ZNF529: variants seen among roughly 807,000 people sequenced by gnomAD.
ZNF529 encodes zinc finger protein 529.
ZNF529 carries 11 observed loss-of-function variants against 10.1 expected under a neutral mutation model. The ratio of observed to expected loss-of-function variants is 1.09; its 90% confidence interval spans 0.69 to 1.81. The LOEUF (loss-of-function observed/expected upper bound fraction) is 1.81. Among genes scored for constraint, ZNF529 ranks in the 40% most tolerant of loss-of-function variants. ZNF529 has a pLI of 0.00. For missense variants in ZNF529, 624 were observed against 666.8 expected (o/e 0.94, Z 0.71); for synonymous variants, 204 against 215.7 (o/e 0.95, Z 0.47).
At position 36,547,539 on chromosome 19, in the gene ZNF529, C is replaced by T. The variant is rs1473084991; in HGVS notation, c.1019G>A (p.Cys340Tyr). The T allele has an allele frequency of 1.2e-6, 2 of 1,613,310 alleles. No homozygotes were observed. Among genetic ancestry groups the T allele is most frequent in the East Asian group, 4.5e-5 (2 of 44,854 alleles). Residue 340 changes from cysteine (C) to tyrosine (Y), a missense_variant, in exon 5 of 5, where the codon TGT becomes TAT. By Grantham distance (194) the Cys-to-Tyr change is radical (BLOSUM62 -2). Coordinates refer to ENST00000591340, the MANE Select transcript of ZNF529 (RefSeq NM_020951.5). ...TCTAAAAACCTTCTCACAGTGCATA[C>T]ATTTGTAGGGTTTCTCACCAGTATG... Reference protein sequence around the residue: ...RIHTGEKPYKCMHCEKVFRIS... With the variant: ...RIHTGEKPYKYMHCEKVFRIS...
chr19:36,565,426 G>A (rs1267033021), intron 2 of ZNF529, among the ~76,000 whole-genome samples: 3 of 152,160 alleles, frequency 2.0e-5, no homozygotes, highest in Non-Finnish European at 4.4e-5. Flanking sequence ...GAACAGGCCG[G>A]GCGCGGTGGC....
intron 2 of ZNF529, among the ~76,000 whole-genome samples, chr19:36,582,869 A>C (rs966760743): frequency 1.3e-5 from 2 of 152,158 alleles, no homozygotes; most frequent in Admixed American, 1.3e-4. Context: ...CAAATTGCCC[A>C]TGTCAGGAAT....
intron 1 of ZNF529, chr19:36,594,285 T>C (rs1157376440): frequency 1.3e-5 from 2 of 152,248 alleles, no homozygotes; most frequent in Non-Finnish European, 2.9e-5. Context: ...ACTTTGCCAC[T>C]AACCCCTTCA....
intron 1 of ZNF529, among the ~76,000 whole-genome samples, chr19:36,593,071 C>A (rs942135018): frequency 2.0e-5 from 3 of 152,062 alleles, no homozygotes; most frequent in Middle Eastern, 6.3e-3. Flanking sequence ...CAAGTCCTAG[C>A]GATTACAATA....
intron 2 of ZNF529, among the ~76,000 whole-genome samples, chr19:36,559,625 G>A (rs2035606667): frequency 6.6e-6 from 1 of 152,158 alleles, no homozygotes; most frequent in Admixed American, 6.5e-5. Flanking sequence ...AACTTGAAGA[G>A]ATATTTGCAG....
At chr19:36,581,587 G>T (rs1296825961) in intron 2 of ZNF529, 1 of 152,154 alleles carries the variant, frequency 6.6e-6, no homozygotes. Flanking sequence ...GCGCCTAGTG[G>T]GAGGTGTTGG....
chr19:36,547,470 T>C lies in ZNF529; in HGVS notation c.1088A>G (p.Glu363Gly), dbSNP rs1317236099. The C allele has an allele frequency of 1.2e-6, 2 of 1,614,126 alleles. No individual in the cohort carries two copies. Among genetic ancestry groups the C allele is most frequent in the East Asian group, 2.2e-5 (1 of 44,872 alleles). Residue 363 changes from glutamate to glycine, a missense_variant, in exon 5 of 5, where the codon GAG becomes GGG. By Grantham distance (98) the Glu-to-Gly change is moderately conservative. Transcript: ENST00000591340. Reference sequence around the variant, plus strand: ...ACATTCCTTACATGCATAAGGTTTCTCACCAGTGTGAATTCTCTGATGTTC... The same window carrying C: ...ACATTCCTTACATGCATAAGGTTTCCCACCAGTGTGAATTCTCTGATGTTC... ...LIEHQRIHTGEKPYACKECGK... is the reference protein window; with the variant it reads ...LIEHQRIHTGGKPYACKECGK...
chr19:36,555,749 C>T (rs961820751), intron 3 of ZNF529, among the ~76,000 whole-genome samples: 2 of 152,146 alleles, frequency 1.3e-5, no homozygotes, highest in Admixed American at 1.3e-4. Flanking sequence ...GACTTGAGGC[C>T]ATTCAACATC....
chr19:36,583,039 C>G (rs781555145), intron 2 of ZNF529, among the ~76,000 whole-genome samples: 10 of 147,946 alleles, frequency 6.8e-5, no homozygotes, highest in Non-Finnish European at 1.2e-4. Context: ...AATAGAAAAA[C>G]AGAAAGTCTG....
intron 1 of ZNF529, chr19:36,594,453 G>A (rs758944045): frequency 6.6e-6 from 1 of 152,210 alleles, no homozygotes; most frequent in Non-Finnish European, 1.5e-5. Context: ...TGCCCCCCAT[G>A]GAATCCAGCC....
At position 36,548,796 on chromosome 19, in the gene ZNF529, G is replaced by T. The variant is rs540631285; in HGVS notation, c.236-474C>A. On this transcript the variant is annotated intron_variant, in intron 4 of 4. Coordinates refer to ENST00000591340, the MANE Select transcript of ZNF529 (RefSeq NM_020951.5). The stretch of plus-strand genomic sequence containing the variant: ...AGCACTCTGGGAGGGCAAGGTGGGT[G>T]GGTTACCTGAGCTCAGAACTTTGTG... 5.9e-5 allele frequency among the ~76,000 whole-genome samples: 9 copies of T among 152,286 alleles called. No homozygotes were observed. The South Asian group carries it at 6.2e-4, about 11-fold the overall frequency.
chr19:36,574,111 C>G (rs1211988062), upstream of ZNF529, among the ~76,000 whole-genome samples: 1 of 152,136 alleles, frequency 6.6e-6, no homozygotes, highest in Non-Finnish European at 1.5e-5. Context: ...GTGGCCCAGC[C>G]CTCAGGAGAT....
At chr19:36,575,968 C>A (rs964944882), upstream of ZNF529, among the ~76,000 whole-genome samples, 13 of 152,106 alleles carry the variant, frequency 8.5e-5, no homozygotes, top group African/African-American at 3.1e-4. Flanking sequence ...CCTGCCTCAA[C>A]CTCCCAAGTA....
intron 2 of ZNF529, among the ~76,000 whole-genome samples, chr19:36,561,476 C>T (rs961712238): frequency 2.6e-5 from 4 of 151,866 alleles, no homozygotes; most frequent in Non-Finnish European, 5.9e-5. Flanking sequence ...TCCGCCTCCC[C>T]GGCTCAAGCA....
At chr19:36,566,777 TG>T (rs2035914435) in intron 2 of ZNF529, among the ~76,000 whole-genome samples, 1 of 151,960 alleles carries the variant, frequency 6.6e-6, no homozygotes, top group Non-Finnish European at 1.5e-5. Context: ...CCCAGCACTT[TG>T]GGAGGCCAAG....
At chr19:36,574,684 C>G (rs1237071914), upstream of ZNF529, 3 of 374,976 alleles carry the variant, frequency 8.0e-6, no homozygotes, top group Non-Finnish European at 1.6e-5. Flanking sequence ...TTCCATATTT[C>G]TCCTTTAGTT....
chr19:36,591,314 G>T (rs1195557088), intron 1 of ZNF529, among the ~76,000 whole-genome samples: 1 of 141,620 alleles, frequency 7.1e-6, no homozygotes, highest in Non-Finnish European at 1.6e-5. Context: ...AAAAAAAAAA[G>T]AAAATAATTA....
intron 1 of ZNF529, among the ~76,000 whole-genome samples, chr19:36,597,646 G>T (rs2036861275): frequency 1.3e-5 from 2 of 152,070 alleles, no homozygotes; most frequent in Non-Finnish European, 2.9e-5. Flanking sequence ...GACAATAATG[G>T]TCATACTAGC....
In ZNF529 at chr19:36,546,835, C is replaced by G. The variant is rs1568568777; in HGVS notation, c.*31G>C. The G allele has an allele frequency of 1.3e-6, 2 of 1,567,254 alleles. No individual in the cohort carries two copies. The highest frequency in any genetic ancestry group is 4.5e-5 in the East Asian group (2 of 44,518). ...ATCCACAGTATTTTCCTGTGAAAAT[C>G]AGAAATAAAAAACCACTTTATACAT... is the stretch of plus-strand genomic sequence containing the variant. On this transcript the variant is annotated 3_prime_UTR_variant, in exon 5 of 5. Transcript: ENST00000591340.
Sources: gnomAD v4.1 joint callset for allele counts (sites outside exome capture counted in the v4.1 genomes callset) on GRCh38, gnomAD v4.1.1 for gene constraint, MANE v1.5 for transcripts, NCBI Gene and HGNC (gene_info 2026-07-23, HGNC 2026-07-21) for gene names.